The following FOXN3 variants were observed in gnomAD, a reference collection of about 807,000 sequenced individuals.
The protein encoded by FOXN3 is forkhead box protein N3.
In FOXN3, 7 loss-of-function variants were observed where a neutral mutation model predicts 38.4. That is an observed-to-expected ratio of 0.18 (90% CI 0.10 to 0.34). The LOEUF is 0.34. FOXN3 is among the 10% of genes least tolerant of loss of function. The pLI is 1.00. For missense variants in FOXN3, 456 were observed against 613.4 expected (o/e 0.74, Z 2.71); for synonymous variants, 230 against 242.2 (o/e 0.95, Z 0.47).
At chr14:89,437,575 C>A (rs547180383) in intron 1 of FOXN3, among the ~76,000 whole-genome samples, 1 of 152,296 alleles carries the variant, frequency 6.6e-6, no homozygotes, top group East Asian at 1.9e-4. Flanking sequence ...AAGGCATTGA[C>A]TGCTATACTC....
chr14:89,340,341 T>TG (rs1458215863), intron 3 of FOXN3, among the ~76,000 whole-genome samples: 3 of 152,178 alleles, frequency 2.0e-5, no homozygotes, highest in Non-Finnish European at 4.4e-5. Context: ...TGTCTCAACT[T>TG]GGACTATGGT....
chr14:89,350,997 T>G (rs970214584), intron 2 of FOXN3, 189 bp from the exon 3 acceptor site: 1 of 399,196 alleles, frequency 2.5e-6, no homozygotes, highest in South Asian at 1.0e-4. Flanking sequence ...TGTATTATGT[T>G]TGATAGGCAA....
chr14:89,291,312 C>A, intron 3 of FOXN3: 1 of 514,744 alleles, frequency 1.9e-6, no homozygotes. Context: ...GCCACGCATT[C>A]TCTCGGGGTT....
intron 3 of FOXN3, among the ~76,000 whole-genome samples, chr14:89,312,345 A>C (rs554379150): frequency 8.6e-4 from 129 of 150,868 alleles, no homozygotes; most frequent in African/African-American, 3.0e-3. Context: ...TAAGAGAAGA[A>C]TACAGCTGGC....
chr14:89,527,569 G>C (rs902775802), intron 1 of FOXN3, among the ~76,000 whole-genome samples: 1 of 152,054 alleles, frequency 6.6e-6, no homozygotes, highest in African/African-American at 2.4e-5. Context: ...CAAAAGACCT[G>C]AATAGGAACT....
At chr14:89,172,714 C>T (rs1887422015) in intron 5 of FOXN3, among the ~76,000 whole-genome samples, 1 of 151,936 alleles carries the variant, frequency 6.6e-6, no homozygotes, top group South Asian at 2.1e-4. Context: ...TAGAAAGAAA[C>T]CTGATATATA....
chr14:89,447,952 T>G (rs920227252), intron 1 of FOXN3, among the ~76,000 whole-genome samples: 5 of 150,162 alleles, frequency 3.3e-5, no homozygotes, highest in African/African-American at 1.2e-4. Context: ...CAAGTAGCAT[T>G]AGAGGCACCT....
rs138067166 is a variant in FOXN3, at chr14:89,167,133, G to A, written c.852-4164C>T. The stretch of plus-strand genomic sequence containing the variant: ...AAAGCATGTGGCTCAACAAAACCAC[G>A]TGCTATTCATCTCAGATAAAACCTG... On this transcript the variant is annotated intron_variant, in intron 5 of 5. Coordinates refer to ENST00000557258, the MANE Select transcript of FOXN3 (RefSeq NM_005197.4). Among the ~76,000 whole-genome samples, 15 of 152,276 alleles carry A rather than the reference G, an allele frequency of 9.9e-5. No homozygotes were observed. In the East Asian group the frequency reaches 2.3e-3, roughly 23 times the overall value.
chr14:89,536,504 G>A (rs191033098), intron 1 of FOXN3, among the ~76,000 whole-genome samples: 2 of 152,066 alleles, frequency 1.3e-5, no homozygotes, highest in Admixed American at 1.3e-4. Context: ...TAAGGTCGGC[G>A]GGCGCGGTGG....
intron 3 of FOXN3, among the ~76,000 whole-genome samples, chr14:89,318,162 C>CTCT (rs538416217): frequency 7.8e-6 from 1 of 127,492 alleles, no homozygotes; most frequent in Non-Finnish European, 1.6e-5. Context: ...TTCTTCTTCT[C>CTCT]TTTTTTTTTT....
chr14:89,543,391 T>C (rs573446994), intron 1 of FOXN3, among the ~76,000 whole-genome samples: 114 of 152,304 alleles, frequency 7.5e-4, no homozygotes, highest in Non-Finnish European at 1.4e-3. Context: ...TAAGTCTTTA[T>C]GTAGAAGTCA....
intron 4 of FOXN3, among the ~76,000 whole-genome samples, chr14:89,202,313 T>C (rs1028237396): frequency 2.6e-5 from 4 of 152,254 alleles, no homozygotes; most frequent in East Asian, 3.8e-4. Flanking sequence ...GGACGTAGTC[T>C]GAGAACAAAA....
chr14:89,258,420 T>C (rs1885693230), intron 4 of FOXN3, among the ~76,000 whole-genome samples: 1 of 152,184 alleles, frequency 6.6e-6, no homozygotes, highest in Non-Finnish European at 1.5e-5. Context: ...ATGATGATGA[T>C]GACGATGATG....
At chr14:89,558,400 C>T (rs767254139) in intron 1 of FOXN3, among the ~76,000 whole-genome samples, 17 of 152,176 alleles carry the variant, frequency 1.1e-4, no homozygotes, top group Non-Finnish European at 1.9e-4. Context: ...AGACCGTCTG[C>T]TGGGGCAAGC....
intron 1 of FOXN3, among the ~76,000 whole-genome samples, chr14:89,494,608 T>C (rs1170612854): frequency 6.6e-6 from 1 of 152,222 alleles, no homozygotes; most frequent in Non-Finnish European, 1.5e-5. Flanking sequence ...TATCCTGGAA[T>C]GGCACCAGAA....
intron 4 of FOXN3, among the ~76,000 whole-genome samples, chr14:89,248,819 T>A (rs1885370483): frequency 6.6e-6 from 1 of 152,268 alleles, no homozygotes; most frequent in Non-Finnish European, 1.5e-5. Flanking sequence ...GTGAATTTTT[T>A]TAAAGCCATT....
chr14:89,346,423 C>T (rs1268243998), intron 3 of FOXN3, among the ~76,000 whole-genome samples: 1 of 152,148 alleles, frequency 6.6e-6, no homozygotes, highest in Non-Finnish European at 1.5e-5. Context: ...TTCCCTGTTT[C>T]TGATGACCTT....
intron 4 of FOXN3, among the ~76,000 whole-genome samples, chr14:89,203,966 AC>A (rs1321334778): frequency 1.3e-5 from 2 of 151,892 alleles, no homozygotes; most frequent in African/African-American, 4.8e-5. Flanking sequence ...ATAATGTACT[AC>A]TAAAGCTTGG....
intron 2 of FOXN3, among the ~76,000 whole-genome samples, chr14:89,351,576 C>T (rs749069766): frequency 3.9e-5 from 6 of 152,162 alleles, no homozygotes; most frequent in Non-Finnish European, 7.3e-5. Context: ...GGTCTATGGA[C>T]AGCCTATTTT....
Sources: gnomAD v4.1 joint callset for allele counts (sites outside exome capture counted in the v4.1 genomes callset) on GRCh38, gnomAD v4.1.1 for gene constraint, MANE v1.5 for transcripts, NCBI Gene and HGNC (gene_info 2026-07-23, HGNC 2026-07-21) for gene names.